Variants in SARNP observed in about 807,000 individuals in gnomAD.
SARNP encodes the protein SAP domain containing ribonucleoprotein, also known as SAP domain-containing ribonucleoprotein.
SARNP carries 5 observed loss-of-function variants against 38.1 expected under a neutral mutation model. The observed-to-expected ratio is 0.13, with a 90% CI of 0.07 to 0.28. The LOEUF is 0.28. Ranked by LOEUF, SARNP falls within the 10% of genes least tolerant of loss-of-function variation. The probability of loss-of-function intolerance (pLI) is 1.00; values close to 1 mark genes in which losing one functional copy is unlikely to be tolerated. For synonymous variants in SARNP, 84 were observed against 80.6 expected (o/e 1.04, Z -0.23); for missense variants, 180 against 243.9 (o/e 0.74, Z 1.75).
intron 7 of SARNP, chr12:55,793,144 T>C (rs1879723208): frequency 6.6e-6 from 1 of 152,162 alleles, no homozygotes; most frequent in Non-Finnish European, 1.5e-5. Flanking sequence ...TAGCTGGGTA[T>C]GGTGTCACGC....
intron 1 of SARNP, among the ~76,000 whole-genome samples, chr12:55,805,929 G>A (rs1391906383): frequency 4.0e-5 from 6 of 151,842 alleles, no homozygotes; most frequent in Non-Finnish European, 8.8e-5. Context: ...CCCAGCTATT[G>A]AGGAGGCTGA....
At chr12:55,799,201 T>C (rs1313554494) in intron 4 of SARNP, among the ~76,000 whole-genome samples, 3 of 152,210 alleles carry the variant, frequency 2.0e-5, no homozygotes, top group Non-Finnish European at 4.4e-5. Context: ...TAATTCTTAA[T>C]TGATATACTC....
intron 9 of SARNP, among the ~76,000 whole-genome samples, chr12:55,770,936 CTTT>C (rs376573673): frequency 2.2e-5 from 3 of 135,438 alleles, no homozygotes; most frequent in African/African-American, 5.4e-5. Context: ...CTTCTTCAAT[CTTT>C]TTTTTTTTTT....
chr12:55,784,415 G>C (rs974207866), intron 9 of SARNP, among the ~76,000 whole-genome samples: 1 of 152,100 alleles, frequency 6.6e-6, no homozygotes, highest in South Asian at 2.1e-4. Flanking sequence ...ACAAGAACTA[G>C]GCAATTCTCA....
chr12:55,801,765 A>C (rs958927254), intron 2 of SARNP, among the ~76,000 whole-genome samples: 5 of 152,044 alleles, frequency 3.3e-5, no homozygotes, highest in Non-Finnish European at 7.4e-5. Flanking sequence ...CTACAGGTGC[A>C]CATCACCACA....
At chr12:55,810,379 T>C (rs746141225) in intron 1 of SARNP, among the ~76,000 whole-genome samples, 7 of 152,020 alleles carry the variant, frequency 4.6e-5, no homozygotes, top group Non-Finnish European at 8.8e-5. Context: ...TCCCAAAGTG[T>C]TGGTTAGGAT....
rs114530163 is a variant in SARNP at position 55,783,445 on chromosome 12, C to T, written c.501+5630G>A. Among the ~76,000 whole-genome samples the T allele has an allele frequency of 3.5e-3, 526 of 152,198 alleles. 2 individuals carry two copies. Among genetic ancestry groups the T allele is most frequent in the African/African-American group, 0.012 (500 of 41,510 alleles). ...CTTGTGTAAAAAATTTCTGTAAATG[C>T]CCATGCCATTCTTTGCCTTGTCACC... On this transcript the variant is annotated intron_variant, in intron 9 of 10. Coordinates refer to ENST00000336133, the MANE Select transcript of SARNP (RefSeq NM_033082.4).
At chr12:55,777,118 T>C (rs961738084) in intron 9 of SARNP, among the ~76,000 whole-genome samples, 2 of 152,210 alleles carry the variant, frequency 1.3e-5, no homozygotes, top group African/African-American at 4.8e-5. Context: ...AAAGAGTTTT[T>C]TCTTACTACA....
At chr12:55,792,535 C>CTTTTTTTTTTT (rs71074859) in intron 7 of SARNP, 159 of 103,162 alleles carry the variant, frequency 1.5e-3, no homozygotes, top group East Asian at 2.3e-3. Flanking sequence ...CCACACCCAG[C>CTTTTTTTTTTT]TTTTTTTTTT....
Position 55,800,605 on chromosome 12 carries a change from G to A in SARNP, c.208C>T (p.Leu70Phe). Residue 70 changes from leucine (L) to phenylalanine (F), a missense_variant, in exon 4 of 11, where the codon CTC (leucine) becomes TTC (phenylalanine). Physicochemically the swap from Leu to Phe is conservative, Grantham distance 22. Around this residue, in one of 2 missense-constraint regions of SARNP, gnomAD observed 161 missense variants for 194.1 expected, o/e 0.83. Coordinates refer to ENST00000336133, the MANE Select transcript of SARNP (RefSeq NM_033082.4). ...GGGGGTTCTTCCTCTTTGACAGGGA[G>A]CTCAATGGGCTTTGTTTCTTCTTCC... ...TEEEETKPIE[L>F]PVKEEEPPEK... 3.1e-6 allele frequency: 5 copies of A among 1,612,010 alleles called. 1 individual carries two copies. Among genetic ancestry groups the A allele is most frequent in the African/African-American group, 2.7e-5 (2 of 74,842 alleles).
At chr12:55,807,330 G>C (rs1880178107) in intron 1 of SARNP, among the ~76,000 whole-genome samples, 1 of 152,086 alleles carries the variant, frequency 6.6e-6, no homozygotes, top group African/African-American at 2.4e-5. Context: ...CAAGGACTGT[G>C]AACCACGCCT....
chr12:55,805,840 G>A (rs939502854), intron 1 of SARNP, among the ~76,000 whole-genome samples: 5 of 151,640 alleles, frequency 3.3e-5, no homozygotes, highest in Admixed American at 6.6e-5. Context: ...GAGTGAGACT[G>A]TCTCAAAAAA....
intron 9 of SARNP, among the ~76,000 whole-genome samples, chr12:55,768,759 T>C (rs1381526640): frequency 6.6e-6 from 1 of 151,422 alleles, no homozygotes; most frequent in Non-Finnish European, 1.5e-5. Flanking sequence ...AGTCTCATTC[T>C]GTTGCCCAGG....
At chr12:55,812,753 C>T (rs1358794256) in intron 1 of SARNP, among the ~76,000 whole-genome samples, 1 of 152,250 alleles carries the variant, frequency 6.6e-6, no homozygotes. Flanking sequence ...TCCTAAATGT[C>T]TTTCAAATTC....
intron 2 of SARNP, 42 bp downstream of exon 2, chr12:55,803,587 A>G: frequency 8.0e-7 from 1 of 1,245,798 alleles, no homozygotes; most frequent in Non-Finnish European, 1.1e-6. Context: ...AAAGCCTGAA[A>G]ATCCCCTCAC....
chr12:55,758,040 C>A (rs6581081), intron 10 of SARNP, among the ~76,000 whole-genome samples: 2 of 152,056 alleles, frequency 1.3e-5, no homozygotes, highest in African/African-American at 4.8e-5. Flanking sequence ...GGACTCCAAC[C>A]CACAAAAAAG....
At chr12:55,802,183 G>A (rs1348221298) in intron 2 of SARNP, among the ~76,000 whole-genome samples, 1 of 152,104 alleles carries the variant, frequency 6.6e-6, no homozygotes, top group South Asian at 2.1e-4. Flanking sequence ...TGAGACTGCA[G>A]ATCTACAGAG....
At chr12:55,764,854 G>C (rs1162612722) in intron 9 of SARNP, among the ~76,000 whole-genome samples, 1 of 137,166 alleles carries the variant, frequency 7.3e-6, no homozygotes, top group African/African-American at 2.7e-5. Flanking sequence ...AAAAAAAAAA[G>C]GAAGGTTTCC....
Position 55,794,393 on chromosome 12 carries a change from G to A in SARNP, c.378-6C>T. On this transcript the variant is annotated splice_region_variant and splice_polypyrimidine_tract_variant and intron_variant, in intron 6 of 10. Coordinates refer to ENST00000336133, the MANE Select transcript of SARNP (RefSeq NM_033082.4). Reference sequence around the variant, plus strand: ...GAACTGAAGAAATCCCAAACCTGAAGAAGGAAAAACAAACTAAATTTTAGG... The same window carrying A: ...GAACTGAAGAAATCCCAAACCTGAAAAAGGAAAAACAAACTAAATTTTAGG... 2 of 1,606,160 alleles carry A rather than the reference G, an allele frequency of 1.2e-6. No individual in the cohort carries two copies. The highest frequency in any genetic ancestry group is 1.7e-6 in the Non-Finnish European group (2 of 1,178,104).
Sources: allele counts gnomAD v4.1 joint callset (sites outside exome capture counted in the v4.1 genomes callset), GRCh38; gene constraint gnomAD v4.1.1; regional missense constraint gnomAD v4.1.1; transcripts MANE v1.5; gene names NCBI Gene and HGNC (gene_info 2026-07-23, HGNC 2026-07-21).